The following BOC variants were observed in gnomAD, a reference collection of about 807,000 sequenced individuals.
The protein encoded by BOC is brother of CDO.
BOC carries 76 observed loss-of-function variants against 112.0 expected under a neutral mutation model. That is an observed-to-expected ratio of 0.68 (90% CI 0.56 to 0.82). The LOEUF (loss-of-function observed/expected upper bound fraction) is 0.82. BOC is among the 40% of genes least tolerant of loss of function. BOC has a pLI of 0.00. For synonymous variants in BOC, 580 were observed against 599.8 expected (o/e 0.97, Z 0.48); for missense variants, 1,309 against 1,511.7 (o/e 0.87, Z 2.22).
intron 2 of BOC, chr3:113,216,494 G>A (rs1278219488): frequency 1.0e-5 from 3 of 292,564 alleles, no homozygotes; most frequent in Middle Eastern, 1.2e-3. Context: ...TTGCTCTGTG[G>A]CAAGCTCTGT....
At chr3:113,285,701 G>T in intron 19 of BOC, 136 bp downstream of exon 19, 1 of 894,202 alleles carries the variant, frequency 1.1e-6, no homozygotes, top group Non-Finnish European at 1.6e-6. Context: ...TGGGAGGGAT[G>T]GGGCATCGAG....
chr3:113,230,407 A>C (rs1942421907), intron 2 of BOC, among the ~76,000 whole-genome samples: 1 of 152,208 alleles, frequency 6.6e-6, no homozygotes, highest in Non-Finnish European at 1.5e-5. Flanking sequence ...TCCTTTGTTG[A>C]AAACAGTTTT....
chr3:113,286,694 C>A lies in BOC; in HGVS notation c.3180C>A (p.Gly1060=). 1 of 1,600,056 alleles carries A rather than the reference C, an allele frequency of 6.2e-7. No homozygotes were observed. Among genetic ancestry groups the A allele is most frequent in the South Asian group, 1.1e-5 (1 of 88,512 alleles). The change falls in exon 20 of 20, where the codon GGC becomes GGA. Residue 1060 remains glycine, a synonymous_variant. Transcript: ENST00000682979. The part of the protein sequence containing the change: ...PFHSGPPCCL[G]LVPVEEVDSP... Reference sequence around the variant, plus strand: ...CCTCAGGGCCCCCATGCTGCTTGGGCCTTGTGCCAGTTGAAGAGGTGGACA... The same window carrying A: ...CCTCAGGGCCCCCATGCTGCTTGGGACTTGTGCCAGTTGAAGAGGTGGACA...
chr3:113,248,982 G>A (rs888407578), intron 2 of BOC, among the ~76,000 whole-genome samples: 2 of 152,184 alleles, frequency 1.3e-5, no homozygotes, highest in South Asian at 2.1e-4. Context: ...GAGCTAGTGA[G>A]TGAAGCGAAA....
At chr3:113,259,388 C>A (rs1259501468) in intron 4 of BOC, among the ~76,000 whole-genome samples, 2 of 152,118 alleles carry the variant, frequency 1.3e-5, no homozygotes, top group African/African-American at 2.4e-5. Flanking sequence ...GTTTGAGGAG[C>A]CTTTTGCACC....
rs1948444458 is a variant in BOC at position 113,274,308 on chromosome 3, A to G, written c.1235-67A>G. 2.1e-6 allele frequency: 3 copies of G among 1,427,256 alleles called. No individual in the cohort carries two copies. The highest frequency in any genetic ancestry group is 1.5e-5 in the South Asian group (1 of 66,092). The allele number at this position is 1,427,256 out of a possible 1,614,324, so 88.4% of individuals were successfully genotyped here. A position where few individuals can be genotyped will look rare whatever the true frequency, so the allele number is the denominator to read the frequency against. On this transcript the variant is annotated intron_variant, in intron 8 of 19. Coordinates refer to ENST00000682979, the MANE Select transcript of BOC (RefSeq NM_001378074.1). The surrounding 1 kb of genome is among the most constrained non-coding windows in gnomAD (Gnocchi z 4.8). The stretch of plus-strand genomic sequence containing the variant: ...TCTGTCTTCTTTCTGTTTTCTCCCC[A>G]GGAACAACAGCTCAGCAGGTAAACC...
intron 1 of BOC, among the ~76,000 whole-genome samples, chr3:113,213,524 T>C (rs1248606202): frequency 2.6e-5 from 4 of 152,176 alleles, no homozygotes; most frequent in African/African-American, 9.7e-5. Flanking sequence ...GCATGGAAAA[T>C]ATTAAACCAC....
chr3:113,215,281 T>G (rs1286706135), intron 1 of BOC, among the ~76,000 whole-genome samples: 1 of 152,202 alleles, frequency 6.6e-6, no homozygotes, highest in Non-Finnish European at 1.5e-5. Flanking sequence ...TTTGCTTCTT[T>G]GGAGCCCTCA....
rs1949771216 is a variant in BOC at position 113,287,275 on chromosome 3, A to C, written c.*413A>C. On this transcript the variant is annotated 3_prime_UTR_variant, in exon 20 of 20. Transcript: ENST00000682979. ...TATCACAGCCTGGAGACACCCACAC[A>C]GATGGCTGGATCCGGTGCTACGGGA... 3.1e-6 allele frequency: 1 copy of C among 317,774 alleles called. No homozygotes were observed. Among genetic ancestry groups the C allele is most frequent in the Admixed American group, 4.4e-5 (1 of 22,560 alleles). The allele number at this position is 317,774 out of a possible 1,614,324, so 19.7% of individuals were successfully genotyped here.
At chr3:113,263,716 A>T (rs1332183319) in intron 4 of BOC, among the ~76,000 whole-genome samples, 4 of 152,240 alleles carry the variant, frequency 2.6e-5, no homozygotes, top group Non-Finnish European at 5.9e-5. Context: ...CTGTAATTTA[A>T]TTCATAGCTC....
At chr3:113,270,600 TG>T in intron 5 of BOC, 200 bp from the exon 6 acceptor site, 1 of 569,058 alleles carries the variant, frequency 1.8e-6, no homozygotes, top group Non-Finnish European at 3.0e-6. Flanking sequence ...CTTTTCTCTC[TG>T]GCACTCTGTC....
chr3:113,229,627 C>G (rs148211789), intron 2 of BOC, among the ~76,000 whole-genome samples: 2,615 of 152,214 alleles, frequency 0.017, 32 homozygotes, highest in African/African-American at 0.029. Context: ...ATCTGAAAAT[C>G]CAGAAAATAT....
chr3:113,280,446 C>A, intron 13 of BOC, 112 bp from the exon 14 acceptor site: 1 of 743,630 alleles, frequency 1.3e-6, no homozygotes, highest in Non-Finnish European at 2.4e-6. Context: ...GCCAGGGGTC[C>A]CAAGTGAAAT....
At chr3:113,277,649 A>G (rs1243717509) in intron 9 of BOC, among the ~76,000 whole-genome samples, 1 of 152,236 alleles carries the variant, frequency 6.6e-6, no homozygotes, top group Non-Finnish European at 1.5e-5. Context: ...TGCTTAGCGA[A>G]TGTTGCTATT....
chr3:113,272,346 G>A (rs1284443192), intron 6 of BOC, 64 bp from the exon 7 acceptor site: 2 of 1,554,212 alleles, frequency 1.3e-6, no homozygotes, highest in African/African-American at 1.4e-5. Context: ...ACTGCCTCCT[G>A]GGCATGCTCT....
At chr3:113,266,008 G>T (rs534470331) in intron 4 of BOC, among the ~76,000 whole-genome samples, 1 of 152,330 alleles carries the variant, frequency 6.6e-6, no homozygotes, top group East Asian at 1.9e-4. Context: ...GGAATTTATC[G>T]TTTAGTTAGG....
At chr3:113,254,299 A>T (rs575187255) in intron 4 of BOC, among the ~76,000 whole-genome samples, 2 of 152,184 alleles carry the variant, frequency 1.3e-5, no homozygotes, top group Non-Finnish European at 2.9e-5. Context: ...AGAAAGAAGA[A>T]GTGCTGAAAG....
At chr3:113,240,101 T>C (rs1251550994) in intron 2 of BOC, among the ~76,000 whole-genome samples, 3 of 152,200 alleles carry the variant, frequency 2.0e-5, no homozygotes. Flanking sequence ...GAATTGAAAT[T>C]GTACCTGGCC....
chr3:113,285,372 G>T lies in BOC; in HGVS notation c.2967G>T (p.Arg989Ser). ...GYDPQSHQIT[R>S]GPKSSPDEGS... ...CCCCATCTGGGCTTGTGCACTGCAG[G>T]GGTCCCAAGTCTAGCCCGGACGAGG... Residue 989 changes from arginine (R) to serine (S), a missense_variant and splice_region_variant, in exon 19 of 20, where the codon AGG becomes AGT. Physicochemically the swap from Arg to Ser is moderately radical, Grantham distance 110. Coordinates refer to ENST00000682979, the MANE Select transcript of BOC (RefSeq NM_001378074.1). 6.2e-7 allele frequency: 1 copy of T among 1,612,576 alleles called. No homozygotes were observed. The highest frequency in any genetic ancestry group is 8.5e-7 in the Non-Finnish European group (1 of 1,179,832).
Sources: gnomAD v4.1 joint callset for allele counts (sites outside exome capture counted in the v4.1 genomes callset) on GRCh38, gnomAD v4.1.1 for gene constraint, Gnocchi (gnomAD v3.1) non-coding constraint, MANE v1.5 for transcripts, NCBI Gene and HGNC (gene_info 2026-07-23, HGNC 2026-07-21) for gene names.